Variants in HOATZ observed in about 807,000 individuals in gnomAD.
The protein encoded by HOATZ is HOATZ cilia and flagella associated protein.
In HOATZ, 26 loss-of-function variants were observed where a neutral mutation model predicts 24.9. That is an observed-to-expected ratio of 1.04 (90% CI 0.76 to 1.45). The LOEUF (loss-of-function observed/expected upper bound fraction) is 1.45. Ranked by LOEUF, HOATZ falls within the 40% of genes most tolerant of loss-of-function variation. The pLI is 0.00. For synonymous variants in HOATZ, 83 were observed against 76.6 expected (o/e 1.08, Z -0.43); for missense variants, 226 against 201.5 (o/e 1.12, Z -0.74).
intron 3 of HOATZ, among the ~76,000 whole-genome samples, chr11:111,520,211 A>G (rs1201256648): frequency 6.6e-6 from 1 of 152,202 alleles, no homozygotes; most frequent in Non-Finnish European, 1.5e-5. Context: ...TTGAAATCAT[A>G]AAACTAATTT....
intron 3 of HOATZ, among the ~76,000 whole-genome samples, chr11:111,521,676 A>T (rs1428592108): frequency 2.0e-5 from 3 of 152,234 alleles, no homozygotes; most frequent in African/African-American, 7.2e-5. Context: ...TTGTCAAAGC[A>T]TTCAAGTGGA....
At chr11:111,516,632 C>T (rs1008270057) in intron 3 of HOATZ, among the ~76,000 whole-genome samples, 2 of 152,070 alleles carry the variant, frequency 1.3e-5, no homozygotes, top group Non-Finnish European at 2.9e-5. Flanking sequence ...CAGAAGGATC[C>T]TCTGAGTCCA....
At chr11:111,517,936 G>T (rs1867224338) in intron 3 of HOATZ, among the ~76,000 whole-genome samples, 2 of 151,878 alleles carry the variant, frequency 1.3e-5, no homozygotes, top group African/African-American at 4.8e-5. Flanking sequence ...AAACTCCTTA[G>T]CATGTTTGAA....
intron 3 of HOATZ, among the ~76,000 whole-genome samples, chr11:111,530,360 G>A (rs1867381776): frequency 6.6e-6 from 1 of 152,168 alleles, no homozygotes; most frequent in African/African-American, 2.4e-5. Context: ...AAATGTATTT[G>A]ACTCTACTAA....
Position 111,533,735 on chromosome 11 carries a change from T to C in HOATZ, c.340-11T>C. The C allele has an allele frequency of 6.3e-7, 1 of 1,585,252 alleles. No individual in the cohort carries two copies. The highest frequency in any genetic ancestry group is 8.5e-7 in the Non-Finnish European group (1 of 1,170,868). On this transcript the variant is annotated splice_polypyrimidine_tract_variant and intron_variant, in intron 3 of 5. Coordinates refer to ENST00000375618, the MANE Select transcript of HOATZ (RefSeq NM_001100388.2). The stretch of plus-strand genomic sequence containing the variant: ...GAATCGAGACACCCACTTTTTTCTT[T>C]CTTTAAACAGGCTAAAACAAGAGAA...
At chr11:111,524,865 T>C (rs1867316418) in intron 3 of HOATZ, 2 of 445,998 alleles carry the variant, frequency 4.5e-6, no homozygotes, top group African/African-American at 2.0e-5. Flanking sequence ...ATTTTCTTTT[T>C]CTTTTCTTTT....
intron 3 of HOATZ, among the ~76,000 whole-genome samples, chr11:111,523,295 GC>G (rs1867293127): frequency 6.8e-6 from 1 of 147,052 alleles, no homozygotes; most frequent in South Asian, 2.1e-4. Context: ...GTTGTGATGT[GC>G]CCTATGGATA....
In HOATZ at chr11:111,514,904, C is replaced by G; in HGVS notation, c.120C>G (p.Phe40Leu). The G allele has an allele frequency of 6.2e-7, 1 of 1,614,172 alleles. No homozygotes were observed. Among genetic ancestry groups the G allele is most frequent in the Non-Finnish European group, 8.5e-7 (1 of 1,180,016 alleles). The change falls in exon 1 of 6, where the codon TTC (phenylalanine) becomes TTG (leucine). Residue 40 changes from phenylalanine (F) to leucine (L), a missense_variant. Coordinates refer to ENST00000375618, the MANE Select transcript of HOATZ (RefSeq NM_001100388.2). ...SEQDANLAKQ[F>L]WISASMYPPS... ...AAGATGCCAACTTGGCTAAGCAGTT[C>G]TGGATCTCGGCGTCGATGTATCCCC...
chr11:111,533,115 C>T (rs935197050), intron 3 of HOATZ, among the ~76,000 whole-genome samples: 4 of 152,124 alleles, frequency 2.6e-5, no homozygotes, highest in Non-Finnish European at 4.4e-5. Flanking sequence ...ATAGGAGAGA[C>T]GAAAGAATAA....
At chr11:111,534,607 T>G in intron 5 of HOATZ, 143 bp downstream of exon 5, 1 of 701,536 alleles carries the variant, frequency 1.4e-6, no homozygotes, top group Non-Finnish European at 2.6e-6. Context: ...TTGAATAAAC[T>G]TTCTTCTCCG....
chr11:111,533,064 A>G (rs1488527932), intron 3 of HOATZ, among the ~76,000 whole-genome samples: 1 of 152,220 alleles, frequency 6.6e-6, no homozygotes, highest in Non-Finnish European at 1.5e-5. Context: ...ACTTAGGAAA[A>G]CTTACCTGAG....
At chr11:111,519,141 A>G (rs1298166064) in intron 3 of HOATZ, 13 of 395,780 alleles carry the variant, frequency 3.3e-5, no homozygotes, top group South Asian at 2.5e-4. Context: ...CTCATATATA[A>G]AAAGAGAAAT....
chr11:111,533,682 C>T, intron 3 of HOATZ, 64 bp from the exon 4 acceptor site: 1 of 1,112,538 alleles, frequency 9.0e-7, no homozygotes. Context: ...AAGAATTCTA[C>T]CTTTCGTAGG....
At chr11:111,531,739 T>C (rs1867395465) in intron 3 of HOATZ, among the ~76,000 whole-genome samples, 1 of 152,302 alleles carries the variant, frequency 6.6e-6, no homozygotes, top group African/African-American at 2.4e-5. Context: ...TAAAACTTTG[T>C]AGGCTTATAA....
At chr11:111,515,048 C>A in intron 1 of HOATZ, 38 bp downstream of exon 1, 1 of 1,469,908 alleles carries the variant, frequency 6.8e-7, no homozygotes, top group South Asian at 1.1e-5. Context: ...TCATATCTGC[C>A]TCACCGTAAC....
intron 3 of HOATZ, among the ~76,000 whole-genome samples, chr11:111,531,637 T>G (rs1433670668): frequency 6.6e-6 from 1 of 152,260 alleles, no homozygotes; most frequent in African/African-American, 2.4e-5. Context: ...AGTTTTCAAA[T>G]GTACTCTGAA....
chr11:111,535,008 G>C (rs547451198), intron 5 of HOATZ: 1 of 152,254 alleles, frequency 6.6e-6, no homozygotes, highest in East Asian at 1.9e-4. Flanking sequence ...AATCACTAAC[G>C]CACCCCTAAT....
chr11:111,515,467 T>C, intron 1 of HOATZ, 44 bp from the exon 2 acceptor site: 1 of 1,552,104 alleles, frequency 6.4e-7, no homozygotes, highest in African/African-American at 1.4e-5. Context: ...TTAATGTTGT[T>C]GACTTTTCCA....
rs538562924 is a variant in HOATZ at position 111,534,575 on chromosome 11, C to T, written c.452+111C>T. On this transcript the variant is annotated intron_variant, in intron 5 of 5. Coordinates refer to ENST00000375618, the MANE Select transcript of HOATZ (RefSeq NM_001100388.2). Reference sequence around the variant, plus strand: ...CCCTTAAATCTTCTAGAAACCCACCCGTGTATTACAGATTTCTTGCCTTGA... The same window carrying T: ...CCCTTAAATCTTCTAGAAACCCACCTGTGTATTACAGATTTCTTGCCTTGA... The T allele has an allele frequency of 3.1e-5, 25 of 818,794 alleles. No individual in the cohort carries two copies. In the East Asian group the frequency reaches 5.9e-4, roughly 19 times the overall value. 50.7% of individuals were successfully genotyped at this position (818,794 alleles called of 1,614,324 possible).
Sources: gnomAD v4.1 joint callset for allele counts (sites outside exome capture counted in the v4.1 genomes callset) on GRCh38, gnomAD v4.1.1 for gene constraint, MANE v1.5 for transcripts, NCBI Gene and HGNC (gene_info 2026-07-23, HGNC 2026-07-21) for gene names.